The following INSL6 variants were observed in gnomAD, a reference collection of about 807,000 sequenced individuals.
The protein encoded by INSL6 is insulin like 6.
Under a neutral mutation model 9.4 loss-of-function variants are expected in INSL6, and 16 were observed. The observed-to-expected ratio is 1.70, with a 90% CI of 1.15 to 2.59. The LOEUF is 2.59. Among genes scored for constraint, INSL6 ranks in the 30% most tolerant of loss-of-function variants. INSL6 has a pLI of 0.00. For missense variants in INSL6, 391 were observed against 257.3 expected (o/e 1.52, Z -3.56); for synonymous variants, 154 against 96.9 (o/e 1.59, Z -3.46).
chr9:5,062,133 T>A, the INSL6 span, among the ~76,000 whole-genome samples: 1 of 152,062 alleles, frequency 6.6e-6, no homozygotes, highest in South Asian at 2.1e-4. Context: ...TATATGCAAT[T>A]TTTTTTCAGC....
chr9:5,106,631 C>A, the INSL6 span, among the ~76,000 whole-genome samples: 1 of 152,164 alleles, frequency 6.6e-6, no homozygotes, highest in Non-Finnish European at 1.5e-5. Context: ...TTCACAATAG[C>A]AAAGACTTGG....
the INSL6 span, among the ~76,000 whole-genome samples, chr9:5,113,191 C>CTTT: frequency 3.5e-5 from 2 of 57,160 alleles, no homozygotes; most frequent in Non-Finnish European, 2.9e-5. Flanking sequence ...CTGGCAGGAG[C>CTTT]TTTTTTTTTT....
Position 5,154,220 on chromosome 9 carries a change from G to A in INSL6, c.376+9959C>T, listed in dbSNP as rs140103006. 2.8e-3 allele frequency among the ~76,000 whole-genome samples: 433 copies of A among 152,248 alleles called. 3 individuals carry two copies. Among genetic ancestry groups the A allele is most frequent in the African/African-American group, 9.8e-3 (408 of 41,552 alleles). ...CAAACCTGACAAAAACAAGAAATGGGGAAAGGATTCCTTATTTAATAAATG... is the reference window on the plus strand; with the variant it reads ...CAAACCTGACAAAAACAAGAAATGGAGAAAGGATTCCTTATTTAATAAATG... On this transcript the variant is annotated intron_variant, in intron 2 of 3. Transcript: ENST00000649639.
At chr9:5,027,722 G>T in the INSL6 span, among the ~76,000 whole-genome samples, 67 of 152,280 alleles carry the variant, frequency 4.4e-4, 1 homozygote, top group Admixed American at 5.2e-4. Flanking sequence ...ATCCTTTGTT[G>T]TCATTTCAAC....
the INSL6 span, among the ~76,000 whole-genome samples, chr9:5,079,991 C>T: frequency 6.6e-6 from 1 of 152,194 alleles, no homozygotes; most frequent in African/African-American, 2.4e-5. Flanking sequence ...GGGCAGATTA[C>T]TCAATCATAT....
chr9:5,076,276 A>C, the INSL6 span, among the ~76,000 whole-genome samples: 1 of 152,188 alleles, frequency 6.6e-6, no homozygotes, highest in African/African-American at 2.4e-5. Context: ...GTAAAGTTCT[A>C]CTGTGGGTAG....
the INSL6 span, chr9:5,089,910 G>T: frequency 7.7e-7 from 1 of 1,295,672 alleles, no homozygotes. Flanking sequence ...TATGTGTTTG[G>T]CATCCTGTGT....
the INSL6 span, among the ~76,000 whole-genome samples, chr9:4,997,103 A>T: frequency 6.7e-6 from 1 of 148,478 alleles, no homozygotes; most frequent in African/African-American, 2.5e-5. Flanking sequence ...TAATTTTTAT[A>T]TTTTTTTTTG....
chr9:5,092,048 A>G, the INSL6 span, among the ~76,000 whole-genome samples: 1 of 152,174 alleles, frequency 6.6e-6, no homozygotes, highest in African/African-American at 2.4e-5. Context: ...ATTAATAACA[A>G]TCAGAATTGT....
At chr9:5,028,339 A>T in the INSL6 span, among the ~76,000 whole-genome samples, 1 of 152,188 alleles carries the variant, frequency 6.6e-6, no homozygotes, top group African/African-American at 2.4e-5. Flanking sequence ...GGTGGCTTAA[A>T]ATATTCAGTA....
the INSL6 span, among the ~76,000 whole-genome samples, chr9:5,003,827 G>GT: frequency 6.7e-5 from 10 of 149,784 alleles, no homozygotes; most frequent in Admixed American, 3.4e-4. Flanking sequence ...TAGGTATATT[G>GT]TTTTTTTACT....
the INSL6 span, chr9:5,029,838 C>G: frequency 1.2e-6 from 2 of 1,610,238 alleles, no homozygotes; most frequent in Admixed American, 1.7e-5. Flanking sequence ...CAGAAAGGAT[C>G]TGGTATCCAC....
downstream of INSL6, among the ~76,000 whole-genome samples, chr9:5,120,844 T>A (rs974764887): frequency 6.6e-6 from 1 of 152,178 alleles, no homozygotes; most frequent in East Asian, 1.9e-4. Flanking sequence ...AGCAGCTAAA[T>A]AGATTGTGAT....
At chr9:5,173,407 C>A (rs981391913) in intron 1 of INSL6, among the ~76,000 whole-genome samples, 2 of 152,296 alleles carry the variant, frequency 1.3e-5, no homozygotes, top group African/African-American at 4.8e-5. Context: ...GGCACATATA[C>A]ACCATGGAAT....
chr9:5,117,032 A>G, the INSL6 span, among the ~76,000 whole-genome samples: 1 of 152,228 alleles, frequency 6.6e-6, no homozygotes, highest in Non-Finnish European at 1.5e-5. Flanking sequence ...GGCTTCATGC[A>G]GCATTTGGCT....
intron 1 of INSL6, among the ~76,000 whole-genome samples, chr9:5,174,826 T>C (rs1356970464): frequency 6.6e-6 from 1 of 152,232 alleles, no homozygotes; most frequent in East Asian, 1.9e-4. Context: ...GAACTACTGA[T>C]ACCGTCTTCC....
At chr9:5,096,866 C>T in the INSL6 span, 2 of 152,152 alleles carry the variant, frequency 1.3e-5, no homozygotes, top group Non-Finnish European at 2.9e-5. Context: ...TCATAATCTT[C>T]TTTATGGTCA....
intron 1 of INSL6, among the ~76,000 whole-genome samples, chr9:5,181,077 T>C (rs543384650): frequency 4.6e-5 from 7 of 152,312 alleles, no homozygotes; most frequent in Admixed American, 2.0e-4. Context: ...CGGACACTTA[T>C]GGAAAATAGA....
At chr9:5,114,804 A>G in the INSL6 span, 2 of 287,418 alleles carry the variant, frequency 7.0e-6, no homozygotes. Context: ...AAATCCCATT[A>G]AATGTCCTCC....
Sources: allele counts gnomAD v4.1 joint callset (sites outside exome capture counted in the v4.1 genomes callset), GRCh38; gene constraint gnomAD v4.1.1; transcripts MANE v1.5; gene names NCBI Gene and HGNC (gene_info 2026-07-23, HGNC 2026-07-21).